SUSD1: variants seen among roughly 807,000 people sequenced by gnomAD.
The protein encoded by SUSD1 is sushi domain containing 1, also known as sushi domain-containing protein 1.
Under a neutral mutation model 86.9 loss-of-function variants are expected in SUSD1, and 65 were observed. The ratio of observed to expected loss-of-function variants is 0.75; its 90% CI spans 0.61 to 0.92. The LOEUF (loss-of-function observed/expected upper bound fraction) is 0.92, where lower values mean the gene tolerates loss of function less well. SUSD1 is among the 40% of genes least tolerant of loss of function. The pLI is 0.00. For synonymous variants in SUSD1, 346 were observed against 350.0 expected (o/e 0.99, Z 0.13); for missense variants, 850 against 929.7 (o/e 0.91, Z 1.11).
intron 14 of SUSD1, among the ~76,000 whole-genome samples, chr9:112,055,283 G>A (rs1321607024): frequency 2.0e-5 from 3 of 152,060 alleles, no homozygotes; most frequent in Non-Finnish European, 4.4e-5. Context: ...AAAATTAGTC[G>A]GGTGTGATGG....
At chr9:112,043,760 C>T (rs1202643807) in intron 15 of SUSD1, among the ~76,000 whole-genome samples, 1 of 152,066 alleles carries the variant, frequency 6.6e-6, no homozygotes, top group Non-Finnish European at 1.5e-5. Flanking sequence ...GGCCTTGACA[C>T]TTTAAGAAGC....
intron 7 of SUSD1, among the ~76,000 whole-genome samples, chr9:112,112,456 G>A (rs553234362): frequency 1.9e-4 from 29 of 152,118 alleles, no homozygotes; most frequent in African/African-American, 6.7e-4. Context: ...CCAACGTGGT[G>A]AAACCCCATC....
chr9:112,068,005 A>G (rs1829066842), intron 12 of SUSD1, among the ~76,000 whole-genome samples: 1 of 152,172 alleles, frequency 6.6e-6, no homozygotes. Flanking sequence ...TATATATATT[A>G]TTCATATATC....
chr9:112,170,768 G>A (rs944147265), intron 1 of SUSD1, among the ~76,000 whole-genome samples: 1 of 151,158 alleles, frequency 6.6e-6, no homozygotes, highest in Non-Finnish European at 1.5e-5. Flanking sequence ...GGAGTGCAGT[G>A]GCATGATCTC....
rs187572828 is a variant in SUSD1, at chr9:112,157,461, G to C, written c.217+39C>G. The C allele has an allele frequency of 1.2e-5, 17 of 1,415,916 alleles. No homozygotes were observed. The East Asian group carries it at 2.8e-4, about 23-fold the overall frequency. The allele number at this position is 1,415,916 out of a possible 1,614,324, so 87.7% of individuals were successfully genotyped here. On this transcript the variant is annotated intron_variant, in intron 2 of 16. Coordinates refer to ENST00000374270, the MANE Select transcript of SUSD1 (RefSeq NM_022486.5). ...TTAATACAAGAGAATCTTGTTTCTC[G>C]ATTCAGCTTTTCAACTTAACCCAGA... is the stretch of plus-strand genomic sequence containing the variant.
chr9:112,086,574 G>A (rs7020942), intron 10 of SUSD1, among the ~76,000 whole-genome samples: 7,408 of 150,068 alleles, frequency 0.049, 757 homozygotes, highest in African/African-American at 0.17. Context: ...GAGAGAGAGA[G>A]AGAGAGAGAG....
At chr9:112,062,764 G>A (rs1255267964) in intron 13 of SUSD1, among the ~76,000 whole-genome samples, 173 bp downstream of exon 13, 1 of 152,048 alleles carries the variant, frequency 6.6e-6, no homozygotes, top group African/African-American at 2.4e-5. Flanking sequence ...AAGGATGCTG[G>A]TTGGGATTAA....
In SUSD1 at chr9:112,099,636, G is replaced by A. The variant is rs1024892340; in HGVS notation, c.1282-974C>T. ...AGGGAATTATAGGGAAAAAACTTTCGTGAAGGTCCTATAAGTAATATGATC... is the reference window on the plus strand; with the variant it reads ...AGGGAATTATAGGGAAAAAACTTTCATGAAGGTCCTATAAGTAATATGATC... On this transcript the variant is annotated intron_variant, in intron 9 of 16. Transcript: ENST00000374270. Among the ~76,000 whole-genome samples, 91 of 152,272 alleles carry A rather than the reference G, an allele frequency of 6.0e-4. 1 individual carries two copies. Among genetic ancestry groups the A allele is most frequent in the East Asian group, 7.7e-4 (4 of 5,180 alleles).
intron 3 of SUSD1, among the ~76,000 whole-genome samples, chr9:112,145,138 C>CA (rs1308022865): frequency 6.6e-6 from 1 of 151,560 alleles, no homozygotes; most frequent in East Asian, 1.9e-4. Context: ...TTGGAGAAAA[C>CA]AAAAAAGCAC....
intron 15 of SUSD1, among the ~76,000 whole-genome samples, chr9:112,044,648 C>G (rs546737402): frequency 6.6e-6 from 1 of 152,050 alleles, no homozygotes; most frequent in African/African-American, 2.4e-5. Flanking sequence ...AGAGCTTACA[C>G]CATATATCAA....
chr9:112,079,350 G>A (rs1174221356), intron 11 of SUSD1, among the ~76,000 whole-genome samples: 2 of 152,262 alleles, frequency 1.3e-5, no homozygotes, highest in East Asian at 3.9e-4. Context: ...CAACAAGAAA[G>A]TCTATTGGCA....
chr9:112,154,012 G>A (rs769945928), intron 2 of SUSD1, among the ~76,000 whole-genome samples: 1 of 152,056 alleles, frequency 6.6e-6, no homozygotes, highest in Non-Finnish European at 1.5e-5. Flanking sequence ...AATGCATTGT[G>A]TTATAACATT....
intron 10 of SUSD1, among the ~76,000 whole-genome samples, chr9:112,085,364 C>CACA (rs1829933549): frequency 6.6e-6 from 1 of 152,164 alleles, no homozygotes; most frequent in Admixed American, 6.5e-5. Context: ...CATCTTGTGT[C>CACA]AGGTATTGTG....
Position 112,133,259 on chromosome 9 carries a change from C to T in SUSD1, c.707-8823G>A, listed in dbSNP as rs1832109041. Among the ~76,000 whole-genome samples, 3 of 152,260 alleles carry T rather than the reference C, an allele frequency of 2.0e-5. 1 individual carries two copies. The South Asian group carries it at 6.2e-4, about 32-fold the overall frequency. On this transcript the variant is annotated intron_variant, in intron 5 of 16. Transcript: ENST00000374270. ...CACCACACTCCACCCTGGGCAACCT[C>T]ATGTCTGAAAAAAAGAAAAACAAAG... is the stretch of plus-strand genomic sequence containing the variant.
intron 12 of SUSD1, among the ~76,000 whole-genome samples, chr9:112,072,666 T>C (rs1829334616): frequency 6.6e-6 from 1 of 152,138 alleles, no homozygotes; most frequent in African/African-American, 2.4e-5. Flanking sequence ...ACACAGCCAT[T>C]TACTTGGGGG....
chr9:112,143,671 GA>G (rs771712164), intron 3 of SUSD1, 48 bp from the exon 4 acceptor site: 1,560 of 1,320,468 alleles, frequency 1.2e-3, no homozygotes, highest in South Asian at 3.2e-3. Flanking sequence ...ACAGAAAAAA[GA>G]AAAAAAAAAG....
At chr9:112,118,951 A>T (rs1282608289) in intron 6 of SUSD1, among the ~76,000 whole-genome samples, 1 of 152,188 alleles carries the variant, frequency 6.6e-6, no homozygotes, top group Non-Finnish European at 1.5e-5. Flanking sequence ...TAATACTCTT[A>T]TTATGGCAAA....
In SUSD1 at chr9:112,150,266, G is replaced by A. The variant is rs546268318; in HGVS notation, c.218-867C>T. On this transcript the variant is annotated intron_variant, in intron 2 of 16. Coordinates refer to ENST00000374270, the MANE Select transcript of SUSD1 (RefSeq NM_022486.5). ...CCATGGGCCATAGTTTGCTGACTCT[G>A]CCTAACCCTCTAATTTAAGAGGAAA... Among the ~76,000 whole-genome samples the A allele has an allele frequency of 5.9e-5, 9 of 152,324 alleles. No homozygotes were observed. The South Asian group carries it at 6.2e-4, about 11-fold the overall frequency.
chr9:112,156,206 G>A (rs1204735318), intron 2 of SUSD1, among the ~76,000 whole-genome samples: 1 of 151,390 alleles, frequency 6.6e-6, no homozygotes, highest in Non-Finnish European at 1.5e-5. Context: ...GCTGACGCTT[G>A]TAATCCCAGC....
Sources: gnomAD v4.1 joint callset for allele counts (sites outside exome capture counted in the v4.1 genomes callset) on GRCh38, gnomAD v4.1.1 for gene constraint, MANE v1.5 for transcripts, NCBI Gene and HGNC (gene_info 2026-07-23, HGNC 2026-07-21) for gene names.